Variants in ZMAT4 observed in about 807,000 individuals in gnomAD.
The protein encoded by ZMAT4 is zinc finger matrin-type protein 4.
A neutral mutation model predicts 28.7 loss-of-function variants in ZMAT4; 17 were observed. That is an observed-to-expected ratio of 0.59 (90% CI 0.41 to 0.89). The LOEUF (loss-of-function observed/expected upper bound fraction) is 0.89, where lower values mean the gene tolerates loss of function less well. ZMAT4 is among the 40% of genes least tolerant of loss of function. ZMAT4 has a pLI of 0.00. For synonymous variants in ZMAT4, 117 were observed against 109.2 expected (o/e 1.07, Z -0.44); for missense variants, 240 against 283.8 (o/e 0.85, Z 1.11).
intron 6 of ZMAT4, among the ~76,000 whole-genome samples, chr8:40,554,735 T>C (rs1803475691): frequency 6.6e-6 from 1 of 152,170 alleles, no homozygotes; most frequent in Non-Finnish European, 1.5e-5. Flanking sequence ...GTTACACACA[T>C]AGAATGTGTG....
chr8:40,537,778 C>T (rs1308574548), intron 6 of ZMAT4, among the ~76,000 whole-genome samples: 13 of 152,186 alleles, frequency 8.5e-5, no homozygotes, highest in Admixed American at 8.5e-4. Context: ...CATCATTTTA[C>T]AGATGAGGAA....
chr8:40,618,380 G>A (rs1806087325), intron 5 of ZMAT4, among the ~76,000 whole-genome samples: 1 of 152,162 alleles, frequency 6.6e-6, no homozygotes. Context: ...AATTCTGTCA[G>A]AGGGGCTGGG....
intron 6 of ZMAT4, among the ~76,000 whole-genome samples, chr8:40,566,331 T>A (rs1161628079): frequency 1.3e-5 from 2 of 152,208 alleles, no homozygotes; most frequent in Non-Finnish European, 2.9e-5. Flanking sequence ...GCCTCTCCAA[T>A]GTGCACATAG....
chr8:40,664,078 G>C (rs1808305661), intron 5 of ZMAT4, among the ~76,000 whole-genome samples: 1 of 152,248 alleles, frequency 6.6e-6, no homozygotes, highest in South Asian at 2.1e-4. Flanking sequence ...GAGGGAGACC[G>C]ATCCTCCAGG....
chr8:40,696,499 A>G (rs1188281207), intron 4 of ZMAT4, among the ~76,000 whole-genome samples: 1 of 152,216 alleles, frequency 6.6e-6, no homozygotes. Context: ...CATTTCTGCC[A>G]CAACATAAAT....
chr8:40,542,101 G>A (rs1585661352), intron 6 of ZMAT4, among the ~76,000 whole-genome samples: 1 of 152,208 alleles, frequency 6.6e-6, no homozygotes, highest in Admixed American at 6.5e-5. Context: ...GGGAGGGAAG[G>A]ACTGGGAACA....
At chr8:40,753,530 A>T (rs1812544466) in intron 3 of ZMAT4, among the ~76,000 whole-genome samples, 1 of 152,180 alleles carries the variant, frequency 6.6e-6, no homozygotes, top group African/African-American at 2.4e-5. Context: ...AAAAATTAAC[A>T]TCCATTCCCC....
chr8:40,716,512 C>T (rs1047890774), intron 3 of ZMAT4, among the ~76,000 whole-genome samples: 4 of 152,084 alleles, frequency 2.6e-5, no homozygotes, highest in Non-Finnish European at 4.4e-5. Flanking sequence ...GCCAAGATGG[C>T]GAAACCCCAT....
chr8:40,629,790 T>A (rs10088265), intron 5 of ZMAT4, among the ~76,000 whole-genome samples: 1 of 151,946 alleles, frequency 6.6e-6, no homozygotes, highest in Non-Finnish European at 1.5e-5. Context: ...CCACATTTTC[T>A]TAATCCAGTC....
At chr8:40,742,009 C>CG (rs944885845) in intron 3 of ZMAT4, among the ~76,000 whole-genome samples, 1 of 151,822 alleles carries the variant, frequency 6.6e-6, no homozygotes, top group Non-Finnish European at 1.5e-5. Context: ...GAGGCTGAGG[C>CG]GGGCAGATCA....
intron 6 of ZMAT4, among the ~76,000 whole-genome samples, chr8:40,550,925 A>G (rs1803350367): frequency 6.6e-6 from 1 of 152,216 alleles, no homozygotes; most frequent in Admixed American, 6.5e-5. Flanking sequence ...GTAAAACAAT[A>G]TATAATAGGA....
intron 3 of ZMAT4, among the ~76,000 whole-genome samples, chr8:40,737,800 T>C (rs1811834635): frequency 6.6e-6 from 1 of 151,444 alleles, no homozygotes; most frequent in African/African-American, 2.5e-5. Flanking sequence ...TAATCTGTCT[T>C]ATCCTTTGCT....
rs1401669255 is a variant in ZMAT4, at chr8:40,844,125, G to A, written c.-4-18445C>T. On this transcript the variant is annotated intron_variant, in intron 1 of 6. Transcript: ENST00000297737. ...ACCTAACCGCTGAAGAGTGACAGGAGAAGAGAATATTGTTTTTTTCTAAAG... is the reference window on the plus strand; with the variant it reads ...ACCTAACCGCTGAAGAGTGACAGGAAAAGAGAATATTGTTTTTTTCTAAAG... Among the ~76,000 whole-genome samples the A allele has an allele frequency of 2.0e-5, 3 of 152,324 alleles. No individual in the cohort carries two copies. The East Asian group carries it at 5.8e-4, about 29-fold the overall frequency.
chr8:40,834,686 C>A (rs866187861), intron 1 of ZMAT4, among the ~76,000 whole-genome samples: 2 of 152,186 alleles, frequency 1.3e-5, no homozygotes, highest in South Asian at 4.1e-4. Context: ...CCTGCTTCAA[C>A]ACATAAATAG....
rs980439642 is a variant in ZMAT4 at position 40,581,100 on chromosome 8, C to T, written c.674+65G>A. 7 of 1,299,452 alleles carry T rather than the reference C, an allele frequency of 5.4e-6. No individual in the cohort carries two copies. In the African/African-American group the frequency reaches 8.7e-5, roughly 16 times the overall value. 80.5% of individuals were successfully genotyped at this position (1,299,452 alleles called of 1,614,324 possible). A position where few individuals can be genotyped will look rare whatever the true frequency, so the allele number is the denominator to read the frequency against. ...ATTTAGAAATAGATGAAATGTTGAG[C>T]CTTTAGTCATCTTACTAAAAATTAC... On this transcript the variant is annotated intron_variant, in intron 6 of 6. Coordinates refer to ENST00000297737, the MANE Select transcript of ZMAT4 (RefSeq NM_024645.3).
At chr8:40,675,581 A>G (rs1198351691) in intron 4 of ZMAT4, among the ~76,000 whole-genome samples, 1 of 152,232 alleles carries the variant, frequency 6.6e-6, no homozygotes, top group Non-Finnish European at 1.5e-5. Context: ...AGTCAAAATA[A>G]AGCTAATACT....
intron 6 of ZMAT4, among the ~76,000 whole-genome samples, chr8:40,566,255 A>C (rs1238515080): frequency 6.6e-6 from 1 of 152,176 alleles, no homozygotes; most frequent in African/African-American, 2.4e-5. Flanking sequence ...TATCACTTGC[A>C]TGCTCCAAAA....
intron 5 of ZMAT4, among the ~76,000 whole-genome samples, chr8:40,597,275 T>C (rs1322386285): frequency 6.6e-6 from 1 of 152,220 alleles, no homozygotes; most frequent in Admixed American, 6.5e-5. Flanking sequence ...ACTTTGGCTT[T>C]TGATCAGAGT....
At chr8:40,596,532 A>C (rs1166056783) in intron 5 of ZMAT4, among the ~76,000 whole-genome samples, 1 of 152,162 alleles carries the variant, frequency 6.6e-6, no homozygotes, top group East Asian at 1.9e-4. Flanking sequence ...TGAGGACATA[A>C]ACACGCACAT....
Sources: allele counts gnomAD v4.1 joint callset (sites outside exome capture counted in the v4.1 genomes callset), GRCh38; gene constraint gnomAD v4.1.1; transcripts MANE v1.5; gene names NCBI Gene and HGNC (gene_info 2026-07-23, HGNC 2026-07-21).